The following FKBP1B variants were observed in gnomAD, a reference collection of about 807,000 sequenced individuals.
FKBP1B encodes peptidyl-prolyl cis-trans isomerase FKBP1B.
Under a neutral mutation model 13.5 loss-of-function variants are expected in FKBP1B, and 4 were observed. That is an observed-to-expected ratio of 0.30 (90% CI 0.15 to 0.68). The LOEUF (loss-of-function observed/expected upper bound fraction) is 0.68. Ranked by LOEUF, FKBP1B falls within the 30% of genes least tolerant of loss-of-function variation. The pLI is 0.76. For missense variants in FKBP1B, 93 were observed against 136.2 expected (o/e 0.68, Z 1.58); for synonymous variants, 54 against 53.6 (o/e 1.01, Z -0.03).
chr2:24,047,727 C>A (rs1482494859), upstream of FKBP1B, among the ~76,000 whole-genome samples: 1 of 152,196 alleles, frequency 6.6e-6, no homozygotes, highest in African/African-American at 2.4e-5. Context: ...GGCTTTTTAA[C>A]CTTCTTTAAA....
At chr2:24,058,906 G>C (rs1664253464) in intron 2 of FKBP1B, among the ~76,000 whole-genome samples, 1 of 152,200 alleles carries the variant, frequency 6.6e-6, no homozygotes, top group Non-Finnish European at 1.5e-5. Flanking sequence ...TTAGTACCCA[G>C]GGCAAAAGCT....
chr2:24,035,293 GA>G, the FKBP1B span, among the ~76,000 whole-genome samples: 3 of 151,726 alleles, frequency 2.0e-5, no homozygotes, highest in African/African-American at 7.3e-5. Context: ...AATGGAAAAT[GA>G]AAAGGTGTGT....
chr2:24,047,473 T>A (rs953222417), upstream of FKBP1B: 2 of 152,158 alleles, frequency 1.3e-5, no homozygotes, highest in Non-Finnish European at 2.9e-5. Context: ...GGTGGTCCTC[T>A]GATAGGATAG....
At chr2:24,057,029 A>G (rs1390278441) in intron 2 of FKBP1B, among the ~76,000 whole-genome samples, 1 of 152,042 alleles carries the variant, frequency 6.6e-6, no homozygotes, top group East Asian at 1.9e-4. Context: ...AGTTTTGTAT[A>G]TGTTTTGGAT....
chr2:24,039,174 C>T, the FKBP1B span: 2 of 1,614,146 alleles, frequency 1.2e-6, no homozygotes, highest in African/African-American at 2.7e-5. Context: ...ATCCTCTAAT[C>T]TCACAAGTCT....
chr2:24,058,620 A>G (rs1012978812), intron 2 of FKBP1B, among the ~76,000 whole-genome samples: 1 of 152,210 alleles, frequency 6.6e-6, no homozygotes, highest in Non-Finnish European at 1.5e-5. Context: ...GAATGTGTGC[A>G]TGTGTGTTTG....
chr2:24,059,870 G>A (rs559063487), intron 2 of FKBP1B, among the ~76,000 whole-genome samples: 76 of 145,410 alleles, frequency 5.2e-4, no homozygotes, highest in African/African-American at 1.9e-3. Flanking sequence ...ACTCCAGCCT[G>A]GGCAACAGAG....
At chr2:24,041,715 C>T in the FKBP1B span, among the ~76,000 whole-genome samples, 2 of 150,802 alleles carry the variant, frequency 1.3e-5, no homozygotes, top group South Asian at 2.1e-4. Context: ...TAGCTGGGCT[C>T]GGTGGCAGGT....
At chr2:24,057,807 G>C (rs1664204858) in intron 2 of FKBP1B, among the ~76,000 whole-genome samples, 1 of 152,136 alleles carries the variant, frequency 6.6e-6, no homozygotes. Context: ...GTGAGCCACT[G>C]TACCTGGCCT....
chr2:24,041,926 G>A, the FKBP1B span, among the ~76,000 whole-genome samples: 7 of 150,216 alleles, frequency 4.7e-5, no homozygotes, highest in African/African-American at 1.7e-4. Context: ...ATTTGGATAA[G>A]CTGTAATACC....
Position 24,063,605 on chromosome 2 carries a change from T to C in FKBP1B, c.*413T>C, listed in dbSNP as rs116581522. 212 of 233,752 alleles carry C rather than the reference T, an allele frequency of 9.1e-4. No homozygotes were observed. Among genetic ancestry groups the C allele is most frequent in the African/African-American group, 4.5e-3 (203 of 45,400 alleles). The allele number at this position is 233,752 out of a possible 1,614,324, so 14.5% of individuals were successfully genotyped here. On this transcript the variant is annotated 3_prime_UTR_variant, in exon 4 of 4. Transcript: ENST00000380986. ...TTACCTTTGCTGTCACTTTCTCTCT[T>C]ATAAATTCTGTTAGCTGCTCACTTA...
chr2:24,058,766 A>C lies in FKBP1B; in HGVS notation c.86-2048A>C, dbSNP rs527537479. ...TGTGAGTGCATAAGTGCATGTGAGC[A>C]TGCACAAGTATCTTTGTGTATTTGA... On this transcript the variant is annotated intron_variant, in intron 2 of 3. Coordinates refer to ENST00000380986, the MANE Select transcript of FKBP1B (RefSeq NM_004116.5). Among the ~76,000 whole-genome samples, 3 of 152,352 alleles carry C rather than the reference A, an allele frequency of 2.0e-5. No individual in the cohort carries two copies. The East Asian group carries it at 5.8e-4, about 29-fold the overall frequency.
At chr2:24,057,958 A>C (rs187995994) in intron 2 of FKBP1B, among the ~76,000 whole-genome samples, 3 of 151,828 alleles carry the variant, frequency 2.0e-5, no homozygotes, top group African/African-American at 7.2e-5. Flanking sequence ...GCACTTTGGG[A>C]GGCCAAGGCA....
At chr2:24,062,027 G>A (rs111936821) in intron 3 of FKBP1B, among the ~76,000 whole-genome samples, 24,512 of 128,724 alleles carry the variant, frequency 0.19, 2,167 homozygotes, top group South Asian at 0.25. Flanking sequence ...CCGCCACCAC[G>A]GCCGGCTAAT....
At chr2:24,037,755 G>A in the FKBP1B span, 1 of 1,614,212 alleles carries the variant, frequency 6.2e-7, no homozygotes, top group East Asian at 2.2e-5. Context: ...TATGCAGACG[G>A]TTTGTAAGTT....
chr2:24,060,956 C>G (rs1437058605), intron 3 of FKBP1B, 30 bp downstream of exon 3: 2 of 1,545,314 alleles, frequency 1.3e-6, no homozygotes, highest in Non-Finnish European at 1.8e-6. Context: ...TAAAGGGGAT[C>G]TGGGGAGTTG....
chr2:24,043,411 C>T, the FKBP1B span, among the ~76,000 whole-genome samples: 2 of 151,950 alleles, frequency 1.3e-5, no homozygotes. Context: ...TTTAGGAGGC[C>T]AAGGCAGAAG....
rs1663797771 is a variant in FKBP1B, at chr2:24,050,157, G to C, written c.37+271G>C. 6.6e-6 allele frequency among the ~76,000 whole-genome samples: 1 copy of C among 152,158 alleles called. No homozygotes were observed. On this transcript the variant is annotated intron_variant, in intron 1 of 3. Coordinates refer to ENST00000380986, the MANE Select transcript of FKBP1B (RefSeq NM_004116.5). This position sits in a 1 kb window ranked among gnomAD's most constrained non-coding sequence, Gnocchi z 5.8. ...GGGGTCTGCGGCCCGCCACCGCCCC[G>C]GGCTTCTCCTGTCGCGGCTGCAGTC...
At chr2:24,043,066 G>A in the FKBP1B span, among the ~76,000 whole-genome samples, 20 of 152,132 alleles carry the variant, frequency 1.3e-4, no homozygotes, top group African/African-American at 4.6e-4. Context: ...GGGCCAGGTG[G>A]CTCATGCCTT....
Sources: gnomAD v4.1 joint callset for allele counts (sites outside exome capture counted in the v4.1 genomes callset) on GRCh38, gnomAD v4.1.1 for gene constraint, Gnocchi (gnomAD v3.1) non-coding constraint, MANE v1.5 for transcripts, NCBI Gene and HGNC (gene_info 2026-07-23, HGNC 2026-07-21) for gene names.